TIPIN: variants seen among roughly 807,000 people sequenced by gnomAD.
TIPIN encodes TIMELESS interacting protein, also known as TIMELESS-interacting protein.
In TIPIN, 29 loss-of-function variants were observed where a neutral mutation model predicts 35.6. The observed-to-expected ratio is 0.82, with a 90% CI of 0.61 to 1.11. The LOEUF is 1.11. Among genes scored for constraint, TIPIN ranks in the 50% most tolerant of loss-of-function variants. The pLI is 0.00. For synonymous variants in TIPIN, 102 were observed against 121.5 expected, an observed-to-expected ratio of 0.84 and a Z score of 1.06; for missense variants, 296 against 345.4, an observed-to-expected ratio of 0.86 and a Z score of 1.13.
intron 1 of TIPIN, among the ~76,000 whole-genome samples, chr15:66,363,765 G>A (rs1467738224): frequency 4.0e-5 from 6 of 151,874 alleles, no homozygotes; most frequent in African/African-American, 9.7e-5. Flanking sequence ...GGTGGATCAC[G>A]AGGTCAGGAG....
upstream of TIPIN, among the ~76,000 whole-genome samples, chr15:66,359,160 CACACACACACACAG>C (rs1197578963): frequency 4.1e-5 from 5 of 122,224 alleles, no homozygotes; most frequent in Middle Eastern, 3.9e-3. Flanking sequence ...TCAAAACACA[CACACACACACACAG>C]ACACACACAC....
intron 1 of TIPIN, among the ~76,000 whole-genome samples, chr15:66,373,471 C>T (rs533015533): frequency 5.6e-5 from 8 of 143,194 alleles, no homozygotes; most frequent in Non-Finnish European, 7.5e-5. Context: ...CCAGCCTGGG[C>T]GACAGAGCGA....
intron 7 of TIPIN, among the ~76,000 whole-genome samples, chr15:66,337,780 T>TA (rs113417714): frequency 2.7e-4 from 39 of 145,568 alleles, no homozygotes; most frequent in African/African-American, 8.3e-4. Context: ...AAAAATAAAA[T>TA]AAAAAAAAAA....
intron 6 of TIPIN, among the ~76,000 whole-genome samples, chr15:66,344,591 C>T (rs746004479): frequency 1.3e-5 from 2 of 151,234 alleles, no homozygotes; most frequent in African/African-American, 2.4e-5. Flanking sequence ...CAGCTCACGC[C>T]TATAATCCCA....
intron 1 of TIPIN, chr15:66,379,970 G>A (rs528510710): frequency 1.6e-5 from 12 of 747,044 alleles, no homozygotes; most frequent in African/African-American, 1.4e-4. Context: ...AAAAAGTAGG[G>A]ATACACCTTC....
In TIPIN at chr15:66,337,122, G is replaced by A. The variant is rs2093050083; in HGVS notation, c.742C>T (p.Gln248Ter). 1 of 1,613,836 alleles carries A rather than the reference G, an allele frequency of 6.2e-7. No individual in the cohort carries two copies. The highest frequency in any genetic ancestry group is 1.7e-5 in the Admixed American group (1 of 59,968). Residue 248 changes from glutamine to a stop codon, truncating the protein, a stop_gained, in exon 8 of 8, where the codon CAA becomes TAA. Transcript: ENST00000261881. LOFTEE classifies it high-confidence loss of function. ...TTTAATCCATTTGACTCCTCCTTTTGATCCTCATCAGTATTAACCTCTTCA... is the reference window on the plus strand; with the variant it reads ...TTTAATCCATTTGACTCCTCCTTTTAATCCTCATCAGTATTAACCTCTTCA... ...TVEEVNTDED[Q>*]KEESNGLNED...
At chr15:66,385,229 C>T (rs2093332503) in intron 1 of TIPIN, among the ~76,000 whole-genome samples, 1 of 152,222 alleles carries the variant, frequency 6.6e-6, no homozygotes. Context: ...AAGCCCTCTT[C>T]ATTTTCTCAG....
Position 66,363,175 on chromosome 15 carries a change from C to T in TIPIN, c.-8-10220G>A, listed in dbSNP as rs951786846. ...AAAGGGTCTCCTGAGGCCAGGAGTT[C>T]AAGACCAGCCTGGGCAACATAGTGA... On this transcript the variant is annotated intron_variant, in intron 1 of 7. Transcript: ENST00000562124. 4.6e-5 allele frequency among the ~76,000 whole-genome samples: 7 copies of T among 152,084 alleles called. No individual in the cohort carries two copies. In the East Asian group the frequency reaches 1.2e-3, roughly 25 times the overall value.
At chr15:66,352,770 C>T (rs755807215) in intron 2 of TIPIN, 45 bp downstream of exon 2, 11 of 1,542,952 alleles carry the variant, frequency 7.1e-6, no homozygotes, top group African/African-American at 5.5e-5. Context: ...CATGAGCCAC[C>T]GTGCCTGGCC....
chr15:66,378,027 A>G (rs76813196), intron 1 of TIPIN, among the ~76,000 whole-genome samples: 1 of 150,500 alleles, frequency 6.6e-6, no homozygotes, highest in East Asian at 2.0e-4. Flanking sequence ...TTTTTTTTAA[A>G]CAAAGTCTCA....
At chr15:66,341,523 C>A (rs1308612446) in intron 6 of TIPIN, among the ~76,000 whole-genome samples, 167 bp from the exon 7 acceptor site, 2,221 of 3,320 alleles carry the variant, frequency 0.67, 965 homozygotes, top group Middle Eastern at 1. Context: ...AATCCCAGCA[C>A]TTTGGGAGGC....
At chr15:66,355,362 A>T (rs1341283151) in intron 1 of TIPIN, among the ~76,000 whole-genome samples, 2 of 151,772 alleles carry the variant, frequency 1.3e-5, no homozygotes, top group Non-Finnish European at 2.9e-5. Flanking sequence ...TTGATGAATG[A>T]TGGAATGCAA....
At chr15:66,357,315 T>C (rs1007041748), upstream of TIPIN, among the ~76,000 whole-genome samples, 1 of 152,096 alleles carries the variant, frequency 6.6e-6, no homozygotes, top group Non-Finnish European at 1.5e-5. Flanking sequence ...GAATAAGAAA[T>C]TACCGCTTCT....
intron 6 of TIPIN, among the ~76,000 whole-genome samples, 162 bp from the exon 7 acceptor site, chr15:66,341,518 C>A (rs1466234364): frequency 0.65 from 2,553 of 3,914 alleles, 1,002 homozygotes; most frequent in Middle Eastern, 1. Context: ...CCTGTAATCC[C>A]AGCACTTTGG....
upstream of TIPIN, among the ~76,000 whole-genome samples, chr15:66,358,706 C>G (rs1044758794): frequency 6.6e-6 from 1 of 152,098 alleles, no homozygotes; most frequent in Non-Finnish European, 1.5e-5. Flanking sequence ...CGTGAGCCAC[C>G]GCACCCAGCT....
intron 1 of TIPIN, among the ~76,000 whole-genome samples, chr15:66,382,672 C>T (rs1218207225): frequency 2.6e-5 from 4 of 152,170 alleles, no homozygotes; most frequent in African/African-American, 9.6e-5. Context: ...GAGTGAGCCA[C>T]CACACCTGGC....
chr15:66,384,287 G>A (rs1191465991), intron 1 of TIPIN, among the ~76,000 whole-genome samples: 3 of 140,292 alleles, frequency 2.1e-5, no homozygotes, highest in Non-Finnish European at 3.1e-5. Flanking sequence ...ATGAGCCACC[G>A]CGCCCGGCCT....
At chr15:66,357,934 C>A (rs187406906), upstream of TIPIN, among the ~76,000 whole-genome samples, 11 of 150,996 alleles carry the variant, frequency 7.3e-5, no homozygotes, top group Admixed American at 3.3e-4. Flanking sequence ...CCGGCCTGGG[C>A]GACGGAGCAA....
Position 66,340,859 on chromosome 15 carries a change from A to C in TIPIN, c.682+291T>G, listed in dbSNP as rs540100677. Among the ~76,000 whole-genome samples, 32 of 152,272 alleles carry C rather than the reference A, an allele frequency of 2.1e-4. No individual in the cohort carries two copies. The East Asian group carries it at 4.4e-3, about 21-fold the overall frequency. On this transcript the variant is annotated intron_variant, in intron 7 of 7. Transcript: ENST00000261881. ...CGATCCACCTACCTTGGCCTCCCAAAGTGCTGAGATTACAGGCATGAGCCA... is the reference window on the plus strand; with the variant it reads ...CGATCCACCTACCTTGGCCTCCCAACGTGCTGAGATTACAGGCATGAGCCA...
Sources: gnomAD v4.1 joint callset for allele counts (sites outside exome capture counted in the v4.1 genomes callset) on GRCh38, gnomAD v4.1.1 for gene constraint, MANE v1.5 for transcripts, NCBI Gene and HGNC (gene_info 2026-07-23, HGNC 2026-07-21) for gene names.